Variants in FYN observed in about 807,000 individuals in gnomAD.
FYN encodes tyrosine-protein kinase Fyn.
FYN carries 10 observed loss-of-function variants against 70.2 expected under a neutral mutation model. The observed-to-expected ratio is 0.14, with a 90% CI of 0.09 to 0.24. The LOEUF (loss-of-function observed/expected upper bound fraction) is 0.24, where lower values mean the gene tolerates loss of function less well. Among genes scored for constraint, FYN ranks in the 10% least tolerant of loss-of-function variants. The pLI, the probability that FYN is intolerant of heterozygous loss-of-function variation, is 1.00. For missense variants in FYN, 319 were observed against 673.1 expected (o/e 0.47, Z 5.82); for synonymous variants, 236 against 248.6 (o/e 0.95, Z 0.48).
chr6:111,806,949 G>A (rs1772168271), intron 2 of FYN, among the ~76,000 whole-genome samples: 1 of 152,166 alleles, frequency 6.6e-6, no homozygotes, highest in Admixed American at 6.5e-5. Context: ...CGCAGGATTT[G>A]AATTCATGTC....
chr6:111,845,320 T>C (rs1008998923), intron 2 of FYN, among the ~76,000 whole-genome samples: 23 of 152,370 alleles, frequency 1.5e-4, no homozygotes, highest in African/African-American at 5.5e-4. Flanking sequence ...CGACAGTCTT[T>C]GCCAATCCCT....
chr6:111,847,992 T>G (rs1016492129), intron 1 of FYN, among the ~76,000 whole-genome samples: 1 of 152,228 alleles, frequency 6.6e-6, no homozygotes, highest in Admixed American at 6.5e-5. Flanking sequence ...CGCCAGGCAA[T>G]AGATGCCTTT....
chr6:111,752,026 T>G (rs1802512438), intron 3 of FYN, among the ~76,000 whole-genome samples: 1 of 152,196 alleles, frequency 6.6e-6, no homozygotes, highest in South Asian at 2.1e-4. Context: ...ATTTATAATA[T>G]AAACAAATAT....
At chr6:111,788,264 C>T (rs1026670705) in intron 2 of FYN, among the ~76,000 whole-genome samples, 2 of 152,204 alleles carry the variant, frequency 1.3e-5, no homozygotes, top group Admixed American at 6.5e-5. Context: ...AATGTATCTT[C>T]GAACCATTGG....
intron 4 of FYN, among the ~76,000 whole-genome samples, chr6:111,717,731 T>C (rs763547797): frequency 6.6e-6 from 1 of 152,236 alleles, no homozygotes; most frequent in Non-Finnish European, 1.5e-5. Context: ...TCCAAAGTGC[T>C]GGGATTACAG....
At chr6:111,664,414 G>A (rs145214443) in intron 13 of FYN, among the ~76,000 whole-genome samples, 4 of 152,182 alleles carry the variant, frequency 2.6e-5, no homozygotes, top group South Asian at 4.2e-4. Context: ...TCCACAGAGC[G>A]CATGTCAGTA....
chr6:111,714,042 A>C (rs1800508278), intron 5 of FYN, among the ~76,000 whole-genome samples: 1 of 152,208 alleles, frequency 6.6e-6, no homozygotes, highest in Non-Finnish European at 1.5e-5. Context: ...GGTTTGTAGA[A>C]ACACTCAGGG....
At chr6:111,849,445 T>C (rs1773623453) in intron 1 of FYN, among the ~76,000 whole-genome samples, 1 of 152,180 alleles carries the variant, frequency 6.6e-6, no homozygotes, top group African/African-American at 2.4e-5. Flanking sequence ...GACATCTCCC[T>C]ATGAACCTCA....
intron 3 of FYN, among the ~76,000 whole-genome samples, chr6:111,736,793 C>T (rs1273862306): frequency 1.3e-5 from 2 of 152,210 alleles, no homozygotes; most frequent in African/African-American, 2.4e-5. Context: ...GCACTCCCCT[C>T]TAAGTCCCTT....
chr6:111,765,322 T>C (rs1234888960), intron 3 of FYN, among the ~76,000 whole-genome samples: 2 of 151,786 alleles, frequency 1.3e-5, no homozygotes, highest in Admixed American at 1.3e-4. Context: ...TTCAAAGAGG[T>C]AGGGCCCTGA....
intron 13 of FYN, 113 bp from the exon 14 acceptor site, chr6:111,662,060 A>G: frequency 1.2e-6 from 1 of 818,566 alleles, no homozygotes; most frequent in Non-Finnish European, 1.9e-6. Context: ...AAACATGCGG[A>G]GTACTCCCAT....
intron 7 of FYN, 72 bp downstream of exon 7, chr6:111,703,927 T>C: frequency 1.7e-6 from 2 of 1,160,646 alleles, no homozygotes; most frequent in East Asian, 2.3e-5. Flanking sequence ...ACATTAGAGA[T>C]AAGCCTTTCA....
chr6:111,823,904 G>A (rs972174962), intron 2 of FYN, among the ~76,000 whole-genome samples: 10 of 152,092 alleles, frequency 6.6e-5, no homozygotes, highest in African/African-American at 2.2e-4. Context: ...TGTAGCTGAC[G>A]TATATTGTAA....
intron 3 of FYN, among the ~76,000 whole-genome samples, chr6:111,740,755 C>T (rs1252817980): frequency 6.6e-6 from 1 of 152,188 alleles, no homozygotes; most frequent in Non-Finnish European, 1.5e-5. Flanking sequence ...TTCAGTGAGT[C>T]TGCACAAACT....
At chr6:111,682,973 A>C (rs571149287) in intron 12 of FYN, among the ~76,000 whole-genome samples, 2 of 152,338 alleles carry the variant, frequency 1.3e-5, no homozygotes, top group Non-Finnish European at 2.9e-5. Flanking sequence ...CAGCAATGCC[A>C]AAGCTCTCCA....
intron 3 of FYN, chr6:111,759,722 C>G (rs996550559): frequency 5.9e-5 from 9 of 152,224 alleles, no homozygotes; most frequent in African/African-American, 2.2e-4. Context: ...TGTAAACTCA[C>G]TGTTGTATGT....
intron 3 of FYN, chr6:111,758,847 C>A (rs1231788860): frequency 1.3e-5 from 2 of 152,372 alleles, no homozygotes; most frequent in Non-Finnish European, 2.9e-5. Flanking sequence ...CTCCAGAACG[C>A]CGCTTCTCTG....
chr6:111,769,317 T>C (rs865920883), intron 3 of FYN, among the ~76,000 whole-genome samples: 1 of 152,206 alleles, frequency 6.6e-6, no homozygotes, highest in African/African-American at 2.4e-5. Flanking sequence ...CTTTTCCCTA[T>C]TTGAATTTCA....
intron 6 of FYN, among the ~76,000 whole-genome samples, chr6:111,705,019 G>A (rs1052818841): frequency 1.1e-4 from 17 of 152,036 alleles, no homozygotes; most frequent in South Asian, 2.1e-4. Context: ...CCAGGATTGC[G>A]CCACTGCACT....
Sources: allele counts gnomAD v4.1 joint callset (sites outside exome capture counted in the v4.1 genomes callset), GRCh38; gene constraint gnomAD v4.1.1; transcripts MANE v1.5; gene names NCBI Gene and HGNC (gene_info 2026-07-23, HGNC 2026-07-21).